The following TAFA1 variants were observed in gnomAD, a reference collection of about 807,000 sequenced individuals.
TAFA1 encodes chemokine-like protein TAFA-1.
A neutral mutation model predicts 18.5 loss-of-function variants in TAFA1; 4 were observed. That is an observed-to-expected ratio of 0.22 (90% CI 0.11 to 0.49). TAFA1 has a LOEUF of 0.49. Ranked by LOEUF, TAFA1 falls within the 20% of genes least tolerant of loss-of-function variation. The pLI is 0.98. For synonymous variants in TAFA1, 56 were observed against 55.2 expected (o/e 1.01, Z -0.06); for missense variants, 147 against 169.0 (o/e 0.87, Z 0.72).
intron 2 of TAFA1, among the ~76,000 whole-genome samples, chr3:68,093,230 C>CAG (rs1299680496): frequency 2.0e-5 from 3 of 152,222 alleles, no homozygotes; most frequent in Admixed American, 2.0e-4. Flanking sequence ...GGCCTGGTCA[C>CAG]TGAGCCTCTT....
intron 2 of TAFA1, among the ~76,000 whole-genome samples, chr3:68,192,927 T>A (rs562943077): frequency 1.3e-5 from 2 of 151,780 alleles, no homozygotes; most frequent in East Asian, 3.9e-4. Flanking sequence ...TGTGGAAATG[T>A]GTCCATAGAG....
In TAFA1 at chr3:68,062,598, G is replaced by A. The variant is rs144301486; in HGVS notation, c.118+55854G>A. ...AGGAATTGTGACTTCCTATACATAT[G>A]CATGACCCTAGGGTTTTTCCAATGG... On this transcript the variant is annotated intron_variant, in intron 2 of 4. Transcript: ENST00000478136. 5.3e-4 allele frequency among the ~76,000 whole-genome samples: 80 copies of A among 152,258 alleles called. No individual in the cohort carries two copies. In the Middle Eastern group the frequency reaches 0.01, roughly 19 times the overall value.
At chr3:68,511,219 T>A (rs1423648160) in intron 3 of TAFA1, among the ~76,000 whole-genome samples, 1 of 152,130 alleles carries the variant, frequency 6.6e-6, no homozygotes, top group African/African-American at 2.4e-5. Context: ...AGTATAAATA[T>A]CTGGGTAGCA....
chr3:68,262,540 A>G lies in TAFA1; in HGVS notation c.119-154740A>G, dbSNP rs115389484. Among the ~76,000 whole-genome samples the G allele has an allele frequency of 3.2e-3, 482 of 151,604 alleles. 2 individuals are homozygous for G. The highest frequency in any genetic ancestry group is 0.011 in the African/African-American group (448 of 41,334). ...TAAGTGAGAACATGCATTATTTGGT[A>G]TTCTGTTCCTGGGTTAATTTGCTTG... On this transcript the variant is annotated intron_variant, in intron 2 of 4. Transcript: ENST00000478136.
rs113697337 is a variant in TAFA1, at chr3:68,084,321, A to T, written c.118+77577A>T. ...TTTGTTCACATCCAGCTTAGAAAAG[A>T]TAAGAATTTCTCTTTATGTATGTCT... On this transcript the variant is annotated intron_variant, in intron 2 of 4. Coordinates refer to ENST00000478136, the MANE Select transcript of TAFA1 (RefSeq NM_213609.4). Among the ~76,000 whole-genome samples the T allele has an allele frequency of 2.6e-3, 395 of 152,322 alleles. 3 individuals are homozygous for T. Among genetic ancestry groups the T allele is most frequent in the Admixed American group, 5.7e-3 (88 of 15,306 alleles).
intron 3 of TAFA1, among the ~76,000 whole-genome samples, chr3:68,536,056 A>T (rs964328695): frequency 2.6e-5 from 4 of 152,182 alleles, no homozygotes; most frequent in Admixed American, 1.3e-4. Context: ...ATCTCATTTT[A>T]CACCTCCCTG....
At chr3:68,035,942 T>G (rs964298780) in intron 2 of TAFA1, among the ~76,000 whole-genome samples, 1 of 152,158 alleles carries the variant, frequency 6.6e-6, no homozygotes, top group Non-Finnish European at 1.5e-5. Flanking sequence ...ATTCCACTTA[T>G]GTGCATTCTG....
chr3:68,007,066 A>G (rs35033704), intron 2 of TAFA1, among the ~76,000 whole-genome samples: 103,140 of 152,178 alleles, frequency 0.68, 35,238 homozygotes, highest in South Asian at 0.8. Flanking sequence ...ATAACTTTCA[A>G]TACTTGAGGA....
In TAFA1 at chr3:68,195,057, C is replaced by T. The variant is rs76178797; in HGVS notation, c.118+188313C>T. The stretch of plus-strand genomic sequence containing the variant: ...TCCATGTCTGGGTCCTCACATGCTG[C>T]TTCAGTGTTCTCTTCATATCAGAGG... On this transcript the variant is annotated intron_variant, in intron 2 of 4. Coordinates refer to ENST00000478136, the MANE Select transcript of TAFA1 (RefSeq NM_213609.4). 4.8e-4 allele frequency among the ~76,000 whole-genome samples: 73 copies of T among 151,618 alleles called. 1 individual carries two copies. The East Asian group carries it at 0.014, about 28-fold the overall frequency.
At chr3:68,029,252 T>C (rs1046608286) in intron 2 of TAFA1, among the ~76,000 whole-genome samples, 1 of 152,212 alleles carries the variant, frequency 6.6e-6, no homozygotes, top group South Asian at 2.1e-4. Flanking sequence ...ATCAGCCCAC[T>C]ACAATTATGT....
intron 2 of TAFA1, among the ~76,000 whole-genome samples, chr3:68,238,330 G>A (rs1331948532): frequency 6.6e-6 from 1 of 152,160 alleles, no homozygotes; most frequent in East Asian, 1.9e-4. Context: ...GGATTTCTCA[G>A]ACCTTCTTAA....
chr3:68,471,520 G>C (rs558257640), intron 3 of TAFA1, among the ~76,000 whole-genome samples: 1 of 152,328 alleles, frequency 6.6e-6, no homozygotes, highest in South Asian at 2.1e-4. Context: ...TCTTGTATCA[G>C]CATGCCCTGG....
At chr3:68,298,918 G>C (rs1487625177) in intron 2 of TAFA1, among the ~76,000 whole-genome samples, 1 of 152,184 alleles carries the variant, frequency 6.6e-6, no homozygotes, top group Admixed American at 6.5e-5. Context: ...GGAAGTGCTA[G>C]AAAGATACCT....
intron 2 of TAFA1, among the ~76,000 whole-genome samples, chr3:68,075,337 C>T (rs1025956146): frequency 1.3e-5 from 2 of 152,128 alleles, no homozygotes; most frequent in East Asian, 1.9e-4. Context: ...GTTTCCTTCC[C>T]CTTTGTTCCT....
At chr3:68,384,259 TGTG>T (rs2070041835) in intron 2 of TAFA1, among the ~76,000 whole-genome samples, 1 of 151,982 alleles carries the variant, frequency 6.6e-6, no homozygotes, top group African/African-American at 2.4e-5. Flanking sequence ...TACTTTTTGT[TGTG>T]GTGTTGGGTT....
At chr3:68,119,763 G>GT (rs1559527323) in intron 2 of TAFA1, among the ~76,000 whole-genome samples, 1 of 152,140 alleles carries the variant, frequency 6.6e-6, no homozygotes, top group African/African-American at 2.4e-5. Flanking sequence ...GTACCACACT[G>GT]TTTTTACCAC....
chr3:68,370,506 A>ATATATATG (rs2069682504), intron 2 of TAFA1, among the ~76,000 whole-genome samples: 4 of 75,106 alleles, frequency 5.3e-5, no homozygotes, highest in East Asian at 6.3e-4. Flanking sequence ...ATATATATAT[A>ATATATATG]TATATATATA....
chr3:68,061,480 T>G (rs918500746), intron 2 of TAFA1, among the ~76,000 whole-genome samples: 2 of 152,142 alleles, frequency 1.3e-5, no homozygotes, highest in African/African-American at 4.8e-5. Context: ...TGGGAATCAG[T>G]GCAGGGATAC....
chr3:68,078,359 T>C (rs1001114138), intron 2 of TAFA1, among the ~76,000 whole-genome samples: 1 of 151,978 alleles, frequency 6.6e-6, no homozygotes, highest in East Asian at 1.9e-4. Flanking sequence ...TGAATAGGAG[T>C]GGTGAGAGAG....
Sources: allele counts gnomAD v4.1 joint callset (sites outside exome capture counted in the v4.1 genomes callset), GRCh38; gene constraint gnomAD v4.1.1; transcripts MANE v1.5; gene names NCBI Gene and HGNC (gene_info 2026-07-23, HGNC 2026-07-21).